Variants in CLCN6 observed in about 807,000 individuals in gnomAD.
CLCN6 encodes the protein Cl-/H+ antiporter 6.
Under a neutral mutation model 109.8 loss-of-function variants are expected in CLCN6, and 70 were observed. The ratio of observed to expected loss-of-function variants is 0.64; its 90% CI spans 0.53 to 0.78. CLCN6 has a LOEUF of 0.78. Ranked by LOEUF, CLCN6 falls within the 30% of genes least tolerant of loss-of-function variation. CLCN6 has a pLI of 0.00. For missense variants in CLCN6, 984 were observed against 1,142.3 expected (o/e 0.86, Z 2.00); for synonymous variants, 444 against 447.8 (o/e 0.99, Z 0.11).
intron 5 of CLCN6, chr1:11,820,762 G>A (rs198394): frequency 0.12 from 19,730 of 167,986 alleles, 1,666 homozygotes; most frequent in African/African-American, 0.24. Flanking sequence ...GCAAGACTCC[G>A]TCTCAAAAAC....
chr1:11,817,922 A>C (rs79904915), intron 4 of CLCN6, among the ~76,000 whole-genome samples: 5,636 of 152,232 alleles, frequency 0.037, 152 homozygotes, highest in Middle Eastern at 0.078. Flanking sequence ...ATTCTGATGG[A>C]TACCATTTTG....
intron 13 of CLCN6, among the ~76,000 whole-genome samples, chr1:11,832,808 C>T (rs1644897640): frequency 6.6e-6 from 1 of 152,236 alleles, no homozygotes; most frequent in Non-Finnish European, 1.5e-5. Context: ...ACTTGAAACA[C>T]CCTTGCCTTC....
intron 8 of CLCN6, among the ~76,000 whole-genome samples, chr1:11,825,358 C>T (rs1053002019): frequency 1.3e-5 from 2 of 152,212 alleles, no homozygotes; most frequent in African/African-American, 2.4e-5. Flanking sequence ...GAAGGCCAGG[C>T]GTGGAGTGGG....
intron 2 of CLCN6, among the ~76,000 whole-genome samples, chr1:11,812,690 G>T (rs887378934): frequency 5.3e-5 from 8 of 151,184 alleles, no homozygotes; most frequent in Non-Finnish European, 1.0e-4. Flanking sequence ...GTGTGTGTGT[G>T]TGTGTGTGTG....
At chr1:11,833,783 G>A (rs979657811) in intron 14 of CLCN6, 94 bp from the exon 15 acceptor site, 2 of 1,559,980 alleles carry the variant, frequency 1.3e-6, no homozygotes, top group African/African-American at 2.7e-5. Context: ...TGTGTTGGAA[G>A]GGGAACTGGT....
Position 11,834,498 on chromosome 1 carries a change from A to C in CLCN6, c.1701A>C (p.Thr567=). 3 of 1,614,116 alleles carry C rather than the reference A, an allele frequency of 1.9e-6. No individual in the cohort carries two copies. The highest frequency in any genetic ancestry group is 2.5e-6 in the Non-Finnish European group (3 of 1,180,002). Residue 567 remains threonine, a synonymous_variant, in exon 17 of 23, where the codon ACA becomes ACC. Coordinates refer to ENST00000346436, the MANE Select transcript of CLCN6 (RefSeq NM_001286.5). The surrounding 1 kb of genome is among the most constrained non-coding windows in gnomAD (Gnocchi z 4.5). The part of the protein sequence containing the change: ...IMVTLMVAKW[T]GDFFNKGIYD... ...TTGTGTTTCAGGTGGCCAAATGGAC[A>C]GGGGACTTTTTCAATAAGGGCATTT... is the stretch of plus-strand genomic sequence containing the variant.
chr1:11,838,799 C>G, intron 22 of CLCN6, 139 bp downstream of exon 22: 2 of 1,282,820 alleles, frequency 1.6e-6, no homozygotes, highest in Non-Finnish European at 2.3e-6. Context: ...AGCTTTGAAC[C>G]CTGCTCGGCT....
intron 2 of CLCN6, among the ~76,000 whole-genome samples, chr1:11,814,334 C>A (rs1644641316): frequency 6.6e-6 from 1 of 150,592 alleles, no homozygotes; most frequent in African/African-American, 2.4e-5. Flanking sequence ...ACTGCAACCT[C>A]CGCCTCCTAG....
intron 2 of CLCN6, among the ~76,000 whole-genome samples, chr1:11,810,911 T>A (rs1010343114): frequency 1.3e-5 from 2 of 152,010 alleles, no homozygotes; most frequent in African/African-American, 4.8e-5. Context: ...ACAAAAAAAT[T>A]TGTTCAAAAT....
In CLCN6 at chr1:11,834,142, A is replaced by G. The variant is rs1204744574; in HGVS notation, c.1527-94A>G. On this transcript the variant is annotated intron_variant, in intron 15 of 22. Transcript: ENST00000346436. The surrounding 1 kb of genome is among the most constrained non-coding windows in gnomAD (Gnocchi z 4.5). Reference sequence around the variant, plus strand: ...GATGTGTCTGTGCCCATGCATGCACATATGTGCATAGGCACAAGAGTATGA... The same window carrying G: ...GATGTGTCTGTGCCCATGCATGCACGTATGTGCATAGGCACAAGAGTATGA... 6 of 1,594,276 alleles carry G rather than the reference A, an allele frequency of 3.8e-6. No homozygotes were observed. Among genetic ancestry groups the G allele is most frequent in the African/African-American group, 2.7e-5 (2 of 73,958 alleles).
At chr1:11,823,872 G>A (rs760593999) in intron 7 of CLCN6, 39 bp downstream of exon 7, 1 of 1,608,798 alleles carries the variant, frequency 6.2e-7, no homozygotes, top group East Asian at 2.2e-5. Context: ...AATACTCAAA[G>A]GGCAGAGACG....
rs1645039975 is a variant in CLCN6 at position 11,842,662 on chromosome 1, T to G, written c.*2439T>G. On this transcript the variant is annotated 3_prime_UTR_variant, in exon 23 of 23. Transcript: ENST00000346436. ...GTTTCATCTCCAGCTTGGTGTTCCA[T>G]GGCCCCTAGGCGAGGTGATCAGGGA... 1.3e-5 allele frequency: 2 copies of G among 152,554 alleles called. No homozygotes were observed. The highest frequency in any genetic ancestry group is 4.8e-5 in the African/African-American group (2 of 41,466). The allele number at this position is 152,554 out of a possible 1,614,324, so 9.5% of individuals were successfully genotyped here.
At chr1:11,823,574 C>T in intron 6 of CLCN6, 133 bp from the exon 7 acceptor site, 1 of 1,196,188 alleles carries the variant, frequency 8.4e-7, no homozygotes. Context: ...TGTGGTTCTG[C>T]AAGCCCTCCA....
intron 13 of CLCN6, among the ~76,000 whole-genome samples, chr1:11,831,640 A>T (rs572833547): frequency 1.3e-5 from 2 of 152,354 alleles, no homozygotes; most frequent in South Asian, 4.1e-4. Flanking sequence ...GATTTAAAGC[A>T]TACAAAAAAC....
chr1:11,836,237 C>G, intron 18 of CLCN6, 84 bp downstream of exon 18: 1 of 1,291,892 alleles, frequency 7.7e-7, no homozygotes, highest in Non-Finnish European at 1.1e-6. Context: ...CCACCCCTGG[C>G]TGGGGTGGAC....
At chr1:11,812,084 A>G (rs1183843818) in intron 2 of CLCN6, among the ~76,000 whole-genome samples, 1 of 151,982 alleles carries the variant, frequency 6.6e-6, no homozygotes, top group African/African-American at 2.4e-5. Flanking sequence ...ACTGCACTCC[A>G]TGCTGGGTGA....
chr1:11,829,257 G>T lies in CLCN6; in HGVS notation c.1183G>T (p.Val395Leu), dbSNP rs758581911. The stretch of plus-strand genomic sequence containing the variant: ...CGTGGTGGTGTTTGTGGCCTCGATG[G>T]TGTTAGGAGAATGCCGACAGATGTC... ...TTVVVFVASM[V>L]LGECRQMSSS... Residue 395 changes from valine (V) to leucine (L), a missense_variant, in exon 13 of 23, where the codon GTG becomes TTG. Coordinates refer to ENST00000346436, the MANE Select transcript of CLCN6 (RefSeq NM_001286.5). 1.9e-6 allele frequency: 3 copies of T among 1,614,148 alleles called. No homozygotes were observed. Among genetic ancestry groups the T allele is most frequent in the Admixed American group, 3.3e-5 (2 of 60,016 alleles).
chr1:11,827,998 A>G (rs2100641553), intron 10 of CLCN6, 108 bp from the exon 11 acceptor site: 1 of 785,840 alleles, frequency 1.3e-6, no homozygotes, highest in East Asian at 2.4e-5. Context: ...ACCCGGATGT[A>G]GATTCCGGAG....
intron 5 of CLCN6, chr1:11,820,470 A>G: frequency 1.4e-6 from 1 of 693,046 alleles, no homozygotes; most frequent in East Asian, 2.7e-5. Context: ...AGACTATAAG[A>G]AAAAACATCA....
Sources: allele counts gnomAD v4.1 joint callset (sites outside exome capture counted in the v4.1 genomes callset), GRCh38; gene constraint gnomAD v4.1.1; non-coding constraint Gnocchi (gnomAD v3.1); transcripts MANE v1.5; gene names NCBI Gene and HGNC (gene_info 2026-07-23, HGNC 2026-07-21).